RBMS3: variants seen among roughly 807,000 people sequenced by gnomAD.
RBMS3 encodes RNA-binding motif, single-stranded-interacting protein 3.
A neutral mutation model predicts 66.8 loss-of-function variants in RBMS3; 27 were observed. The observed-to-expected ratio is 0.40, with a 90% CI of 0.30 to 0.56. The LOEUF (loss-of-function observed/expected upper bound fraction) is 0.56, where lower values mean the gene tolerates loss of function less well. Ranked by LOEUF, RBMS3 falls within the 20% of genes least tolerant of loss-of-function variation. The probability of loss-of-function intolerance (pLI) is 0.40; values close to 1 mark genes in which losing one functional copy is unlikely to be tolerated. For missense variants in RBMS3, 513 were observed against 549.5 expected (o/e 0.93, Z 0.66); for synonymous variants, 188 against 183.0 (o/e 1.03, Z -0.22).
chr3:29,418,221 G>A (rs1303333885), intron 1 of RBMS3, among the ~76,000 whole-genome samples: 1 of 152,088 alleles, frequency 6.6e-6, no homozygotes, highest in African/African-American at 2.4e-5. Context: ...AACACACTAG[G>A]TCATGCCATT....
intron 10 of RBMS3, among the ~76,000 whole-genome samples, chr3:29,935,648 T>C (rs1052016616): frequency 2.0e-5 from 3 of 152,106 alleles, no homozygotes; most frequent in African/African-American, 7.2e-5. Context: ...TGTATTGGGG[T>C]GACTAAGAAT....
At chr3:29,414,893 C>T (rs750548832) in intron 1 of RBMS3, among the ~76,000 whole-genome samples, 22 of 152,140 alleles carry the variant, frequency 1.4e-4, no homozygotes, top group Admixed American at 2.6e-4. Context: ...ATTTCTCTTA[C>T]GTTTGCCTAA....
intron 10 of RBMS3, among the ~76,000 whole-genome samples, chr3:29,917,240 G>A (rs997535572): frequency 3.3e-5 from 5 of 152,010 alleles, no homozygotes; most frequent in African/African-American, 1.2e-4. Context: ...AATATTTGGA[G>A]CCAGATTTTG....
chr3:29,729,363 A>G (rs1352133009), intron 4 of RBMS3, among the ~76,000 whole-genome samples: 1 of 152,148 alleles, frequency 6.6e-6, no homozygotes, highest in South Asian at 2.1e-4. Context: ...TATATGTGCC[A>G]CATTTTCTTA....
chr3:29,844,147 T>G (rs2058725298), intron 6 of RBMS3, among the ~76,000 whole-genome samples: 1 of 152,232 alleles, frequency 6.6e-6, no homozygotes, highest in South Asian at 2.1e-4. Flanking sequence ...TGCAAATAGA[T>G]GTACAAATTC....
At chr3:29,824,787 T>G (rs2058163652) in intron 6 of RBMS3, among the ~76,000 whole-genome samples, 1 of 152,178 alleles carries the variant, frequency 6.6e-6, no homozygotes. Flanking sequence ...AAAAGCACAC[T>G]AATTTAAAAA....
At chr3:29,702,458 C>T (rs1037563898) in intron 4 of RBMS3, among the ~76,000 whole-genome samples, 1 of 152,196 alleles carries the variant, frequency 6.6e-6, no homozygotes, top group African/African-American at 2.4e-5. Context: ...GAAAGGCTGC[C>T]AGAGCTGGCA....
At chr3:29,688,729 G>C (rs6808350) in intron 4 of RBMS3, among the ~76,000 whole-genome samples, 87,644 of 151,030 alleles carry the variant, frequency 0.58, 25,556 homozygotes, top group African/African-American at 0.63. Context: ...ACTACAAGCG[G>C]ATGCCATCAC....
At chr3:29,625,774 C>T (rs564303460) in intron 4 of RBMS3, among the ~76,000 whole-genome samples, 147 of 151,476 alleles carry the variant, frequency 9.7e-4, no homozygotes, top group African/African-American at 3.2e-3. Context: ...TCTTTAGAGC[C>T]ACCATCCATC....
chr3:29,799,110 T>G (rs183813015), intron 6 of RBMS3, among the ~76,000 whole-genome samples: 5 of 152,282 alleles, frequency 3.3e-5, no homozygotes, highest in Admixed American at 3.3e-4. Flanking sequence ...TGGGAAATAA[T>G]GGTCAATGCC....
chr3:29,801,883 C>A (rs1325314930), intron 6 of RBMS3, among the ~76,000 whole-genome samples: 1 of 152,088 alleles, frequency 6.6e-6, no homozygotes, highest in Non-Finnish European at 1.5e-5. Flanking sequence ...AAAATCAGGC[C>A]ATTCATACCT....
chr3:29,648,062 T>C lies in RBMS3; in HGVS notation c.399+60857T>C, dbSNP rs577209882. ...GGATGGGCAGACCACATAAAACATA[T>C]AACAATTTGTAACCTGAATATTTAT... is the stretch of plus-strand genomic sequence containing the variant. On this transcript the variant is annotated intron_variant, in intron 4 of 14. Transcript: ENST00000383767. 3.9e-5 allele frequency among the ~76,000 whole-genome samples: 6 copies of C among 152,074 alleles called. No individual in the cohort carries two copies. In the East Asian group the frequency reaches 1.2e-3, roughly 29 times the overall value.
In RBMS3 at chr3:29,930,942, T is replaced by C. The variant is rs116394664; in HGVS notation, c.940-5144T>C. Among the ~76,000 whole-genome samples the C allele has an allele frequency of 2.1e-3, 315 of 152,278 alleles. 2 individuals carry two copies. The highest frequency in any genetic ancestry group is 7.1e-3 in the African/African-American group (297 of 41,570). ...TCCATTTTAACGAGCAATCTCAAAA[T>C]AACATTTCTAACTAACTACTTTTTG... On this transcript the variant is annotated intron_variant, in intron 10 of 14. Coordinates refer to ENST00000383767, the MANE Select transcript of RBMS3 (RefSeq NM_001003793.3).
intron 1 of RBMS3, among the ~76,000 whole-genome samples, chr3:29,319,046 C>T (rs2034858040): frequency 6.6e-6 from 1 of 151,932 alleles, no homozygotes; most frequent in South Asian, 2.1e-4. Flanking sequence ...ACAAATACTT[C>T]AGCGTGGCTT....
chr3:29,511,716 A>C (rs1230751588), intron 3 of RBMS3, among the ~76,000 whole-genome samples: 1 of 152,180 alleles, frequency 6.6e-6, no homozygotes, highest in Admixed American at 6.5e-5. Context: ...TATTTGGAGA[A>C]TATTACTCAA....
chr3:29,485,728 T>C (rs1196628458), intron 2 of RBMS3, among the ~76,000 whole-genome samples: 1 of 152,202 alleles, frequency 6.6e-6, no homozygotes, highest in African/African-American at 2.4e-5. Context: ...GATAAGTGAA[T>C]TGGATTTGTC....
chr3:29,882,947 C>G (rs1158964785), intron 7 of RBMS3, among the ~76,000 whole-genome samples: 4 of 151,824 alleles, frequency 2.6e-5, no homozygotes, highest in African/African-American at 7.3e-5. Context: ...ACAGTGATGT[C>G]CTGTTTACCT....
chr3:29,678,921 C>A (rs147083280), intron 4 of RBMS3, among the ~76,000 whole-genome samples: 3 of 152,010 alleles, frequency 2.0e-5, no homozygotes, highest in Admixed American at 2.0e-4. Flanking sequence ...AATCACCTTT[C>A]GGCACACTTT....
At chr3:29,537,788 A>C (rs1576160162) in intron 3 of RBMS3, 1 of 147,300 alleles carries the variant, frequency 6.8e-6, no homozygotes, top group Non-Finnish European at 1.5e-5. Flanking sequence ...GCGCTACTGC[A>C]CTCCAGCCTG....
Sources: allele counts gnomAD v4.1 joint callset (sites outside exome capture counted in the v4.1 genomes callset), GRCh38; gene constraint gnomAD v4.1.1; transcripts MANE v1.5; gene names NCBI Gene and HGNC (gene_info 2026-07-23, HGNC 2026-07-21).